The following SLAMF9 variants were observed in gnomAD, a reference collection of about 807,000 sequenced individuals.
SLAMF9 encodes the protein SLAM family member 9.
SLAMF9 carries 25 observed loss-of-function variants against 30.4 expected under a neutral mutation model. The observed-to-expected ratio is 0.82, with a 90% CI of 0.60 to 1.15. SLAMF9 has a LOEUF of 1.15. Among genes scored for constraint, SLAMF9 ranks in the 50% most tolerant of loss-of-function variants. The pLI, the probability that SLAMF9 is intolerant of heterozygous loss-of-function variation, is 0.00. For missense variants in SLAMF9, 344 were observed against 346.1 expected, an observed-to-expected ratio of 0.99 and a Z score of 0.05; for synonymous variants, 129 against 127.2, an observed-to-expected ratio of 1.01 and a Z score of -0.09.
chr1:159,952,615 C>T, intron 2 of SLAMF9, 81 bp from the exon 3 acceptor site: 2 of 1,432,854 alleles, frequency 1.4e-6, no homozygotes, highest in Non-Finnish European at 9.6e-7. Context: ...ACCTGGGGTA[C>T]TAATGCTACC....
At chr1:159,961,966 G>T in the SLAMF9 span, among the ~76,000 whole-genome samples, 1 of 151,918 alleles carries the variant, frequency 6.6e-6, no homozygotes. Context: ...AGACCAGCCC[G>T]GCCAACATGG....
chr1:159,980,073 G>A, the SLAMF9 span, among the ~76,000 whole-genome samples: 1 of 152,188 alleles, frequency 6.6e-6, no homozygotes, highest in Non-Finnish European at 1.5e-5. Flanking sequence ...CAAAACCAAG[G>A]CAAAGGAAGT....
At chr1:159,962,187 AGGGGAACAGAGGAT>A in the SLAMF9 span, among the ~76,000 whole-genome samples, 1 of 151,800 alleles carries the variant, frequency 6.6e-6, no homozygotes, top group East Asian at 1.9e-4. Context: ...TTTGACGGCA[AGGGGAACAGAGGAT>A]GGGAGGCAAA....
the SLAMF9 span, among the ~76,000 whole-genome samples, chr1:159,981,555 A>C: frequency 1.2e-3 from 181 of 152,344 alleles, 1 homozygote; most frequent in African/African-American, 3.9e-3. Context: ...GCTGGCAAAC[A>C]AGGCAAGCTC....
rs765413043 is a variant in SLAMF9, at chr1:159,951,615, G to A, written c.*46C>T. 3 of 1,573,510 alleles carry A rather than the reference G, an allele frequency of 1.9e-6. No homozygotes were observed. The highest frequency in any genetic ancestry group is 1.1e-5 in the South Asian group (1 of 89,650). On this transcript the variant is annotated 3_prime_UTR_variant, in exon 4 of 4. Coordinates refer to ENST00000368093, the MANE Select transcript of SLAMF9 (RefSeq NM_033438.4). ...AGAGAGCTGAGGAAGGATTCTCTGG[G>A]TGCTGGGAAGAAACCAAGCTCAGGA...
intron 2 of SLAMF9, 84 bp from the exon 3 acceptor site, chr1:159,952,618 A>G (rs1651800197): frequency 1.4e-6 from 2 of 1,419,202 alleles, no homozygotes; most frequent in Non-Finnish European, 1.9e-6. Context: ...TGGGGTACTA[A>G]TGCTACCCCT....
the SLAMF9 span, among the ~76,000 whole-genome samples, chr1:159,981,607 G>C: frequency 1.3e-5 from 2 of 152,234 alleles, no homozygotes; most frequent in Non-Finnish European, 2.9e-5. Context: ...ACTGGCCTTA[G>C]AGCAGACTGT....
chr1:159,973,324 T>C, the SLAMF9 span: 11 of 610,658 alleles, frequency 1.8e-5, no homozygotes, highest in African/African-American at 2.0e-4. Flanking sequence ...GAGTCCTGGA[T>C]GATAAAGCCC....
chr1:159,957,141 A>AG (rs1413713205), upstream of SLAMF9, among the ~76,000 whole-genome samples: 1 of 3,260 alleles, frequency 3.1e-4, no homozygotes, highest in Non-Finnish European at 1.6e-3. Context: ...AAAAAAAGAC[A>AG]AAAAAAAAAA....
At chr1:159,963,508 C>T in the SLAMF9 span, among the ~76,000 whole-genome samples, 1 of 152,176 alleles carries the variant, frequency 6.6e-6, no homozygotes, top group Admixed American at 6.5e-5. Context: ...ATGGAACATG[C>T]TGGGCTGATC....
the SLAMF9 span, chr1:159,976,960 G>GAAAGAAAGAAAGAAAA: frequency 3.9e-5 from 4 of 101,804 alleles, no homozygotes; most frequent in African/African-American, 1.6e-4. Context: ...AAGAAAGAAA[G>GAAAGAAAGAAAGAAAA]AGAAAGAAAG....
chr1:159,976,965 A>G, the SLAMF9 span: 137 of 51,174 alleles, frequency 2.7e-3, 1 homozygote, highest in African/African-American at 5.4e-3. Context: ...AGAAAGAGAA[A>G]GAAAGAAGGA....
the SLAMF9 span, among the ~76,000 whole-genome samples, chr1:159,968,652 G>A: frequency 6.6e-6 from 1 of 152,168 alleles, no homozygotes; most frequent in Non-Finnish European, 1.5e-5. Context: ...GGATTGTGAG[G>A]CAGGATTTCC....
At position 159,951,782 on chromosome 1, in the gene SLAMF9, A is replaced by G; in HGVS notation, c.749T>C (p.Leu250Pro). The G allele has an allele frequency of 6.2e-7, 1 of 1,614,248 alleles. No individual in the cohort carries two copies. The highest frequency in any genetic ancestry group is 1.3e-5 in the African/African-American group (1 of 75,058). The change falls in exon 4 of 4, where the codon CTG (leucine) becomes CCG (proline). Residue 250 changes from leucine (L) to proline (P), a missense_variant. Leu to Pro is a moderately conservative substitution (Grantham distance 98, BLOSUM62 -3). Coordinates refer to ENST00000368093, the MANE Select transcript of SLAMF9 (RefSeq NM_033438.4). ...GLLIFLLLVI[L>P]AMGLWVIRVQ... is the part of the protein sequence containing the mutation. Reference sequence around the variant, plus strand: ...TCGGATGACCCAGAGTCCCATGGCCAGAATTACCAAGAGCAAGAAGATGAG... The same window carrying G: ...TCGGATGACCCAGAGTCCCATGGCCGGAATTACCAAGAGCAAGAAGATGAG...
chr1:159,983,352 G>A, the SLAMF9 span: 1 of 152,210 alleles, frequency 6.6e-6, no homozygotes, highest in Non-Finnish European at 1.5e-5. Flanking sequence ...AGTGGACCTG[G>A]ACTGGAGTCA....
intron 1 of SLAMF9, 150 bp downstream of exon 1, chr1:159,953,942 G>T: frequency 3.2e-6 from 3 of 932,480 alleles, no homozygotes; most frequent in East Asian, 5.2e-5. Context: ...TCTCGGTCCT[G>T]CCCTGAAGCC....
the SLAMF9 span, among the ~76,000 whole-genome samples, chr1:159,968,984 G>C: frequency 2.6e-5 from 4 of 152,118 alleles, 1 homozygote; most frequent in South Asian, 4.1e-4. Flanking sequence ...AGAGGTTGCA[G>C]TGAGCTGAGA....
chr1:159,966,198 A>T, the SLAMF9 span, among the ~76,000 whole-genome samples: 2 of 152,176 alleles, frequency 1.3e-5, no homozygotes, highest in East Asian at 1.9e-4. Context: ...AAATAAGATC[A>T]TGCAGTATTT....
chr1:159,964,052 T>G, the SLAMF9 span, among the ~76,000 whole-genome samples: 31 of 152,206 alleles, frequency 2.0e-4, no homozygotes, highest in African/African-American at 6.7e-4. Flanking sequence ...AATGCAAGAT[T>G]CTGTCTCAAA....
Sources: gnomAD v4.1 joint callset for allele counts (sites outside exome capture counted in the v4.1 genomes callset) on GRCh38, gnomAD v4.1.1 for gene constraint, MANE v1.5 for transcripts, NCBI Gene and HGNC (gene_info 2026-07-23, HGNC 2026-07-21) for gene names.